Variants in IRAK1BP1 observed in about 807,000 individuals in gnomAD.
IRAK1BP1 encodes the protein interleukin 1 receptor associated kinase 1 binding protein 1, also known as interleukin-1 receptor-associated kinase 1-binding protein 1.
IRAK1BP1 carries 24 observed loss-of-function variants against 28.0 expected under a neutral mutation model. The observed-to-expected ratio is 0.86, with a 90% CI of 0.62 to 1.20. The LOEUF is 1.20. Ranked by LOEUF, IRAK1BP1 falls within the 50% of genes most tolerant of loss-of-function variation. IRAK1BP1 has a pLI of 0.00. For missense variants in IRAK1BP1, 336 were observed against 316.7 expected (o/e 1.06, Z -0.46); for synonymous variants, 131 against 116.3 (o/e 1.13, Z -0.81).
At chr6:78,874,651 C>A (rs1000598491) in intron 1 of IRAK1BP1, among the ~76,000 whole-genome samples, 1 of 152,042 alleles carries the variant, frequency 6.6e-6, no homozygotes, top group African/African-American at 2.4e-5. Flanking sequence ...GTCAGAAATT[C>A]CAGAGGGTGG....
At chr6:78,873,314 AT>A (rs1201996106) in intron 1 of IRAK1BP1, among the ~76,000 whole-genome samples, 1 of 151,194 alleles carries the variant, frequency 6.6e-6, no homozygotes, top group Non-Finnish European at 1.5e-5. Context: ...ATTGCAAAAA[AT>A]TTTCTCAGTT....
At chr6:78,942,812 T>C (rs1773572833) in intron 4 of IRAK1BP1, among the ~76,000 whole-genome samples, 1 of 152,196 alleles carries the variant, frequency 6.6e-6, no homozygotes, top group African/African-American at 2.4e-5. Flanking sequence ...TGGTCCCAAA[T>C]TTTGTATGGA....
chr6:78,931,712 AATG>A (rs1329373537), intron 4 of IRAK1BP1, among the ~76,000 whole-genome samples: 2 of 152,172 alleles, frequency 1.3e-5, no homozygotes, highest in Admixed American at 6.5e-5. Flanking sequence ...AGAAAATGCT[AATG>A]ATCATCTGAG....
In IRAK1BP1 at chr6:78,893,290, A is replaced by G. The variant is rs201723185; in HGVS notation, c.382-4539A>G. Among the ~76,000 whole-genome samples, 353 of 61,886 alleles carry G rather than the reference A, an allele frequency of 5.7e-3. 5 individuals are homozygous for G. The highest frequency in any genetic ancestry group is 0.046 in the South Asian group (58 of 1,258). 40.6% of individuals were successfully genotyped at this position (61,886 alleles called of 152,430 possible). A position where few individuals can be genotyped will look rare whatever the true frequency, so the allele number is the denominator to read the frequency against. On this transcript the variant is annotated intron_variant, in intron 2 of 3. Coordinates refer to ENST00000369940, the MANE Select transcript of IRAK1BP1 (RefSeq NM_001010844.4). ...AAAAGGTGTATATATATGTGTGTAT[A>G]TATGTGTGTGTGTGTGTGTGTGTGT... is the stretch of plus-strand genomic sequence containing the variant.
chr6:78,871,231 G>A (rs975172766), intron 1 of IRAK1BP1: 1 of 981,188 alleles, frequency 1.0e-6, no homozygotes, highest in Admixed American at 6.2e-5. Context: ...TCCAACTGTA[G>A]GCATAAAATG....
chr6:78,893,834 C>T (rs1771783965), intron 2 of IRAK1BP1, among the ~76,000 whole-genome samples: 2 of 151,842 alleles, frequency 1.3e-5, no homozygotes, highest in Admixed American at 1.3e-4. Flanking sequence ...ACTCAGGAGG[C>T]GGAGGTTGCA....
the IRAK1BP1 span, chr6:78,955,913 A>G: frequency 3.7e-6 from 1 of 273,696 alleles, no homozygotes; most frequent in East Asian, 6.0e-5. Flanking sequence ...CCCAAGTCTC[A>G]TCTCCCAGTC....
intron 4 of IRAK1BP1, among the ~76,000 whole-genome samples, chr6:78,915,647 C>G (rs994213390): frequency 6.6e-6 from 1 of 152,180 alleles, no homozygotes; most frequent in Admixed American, 6.5e-5. Context: ...CCAAACCTTC[C>G]TTAGACTACA....
chr6:78,968,075 C>A, the IRAK1BP1 span, among the ~76,000 whole-genome samples: 1 of 152,230 alleles, frequency 6.6e-6, no homozygotes, highest in South Asian at 2.1e-4. Flanking sequence ...GTGGAACTTG[C>A]AGTGAGCCAA....
chr6:78,898,411 A>AATATAT lies in IRAK1BP1; in HGVS notation c.*106_*111dup, dbSNP rs58937738. Reference sequence around the variant, plus strand: ...TTTTATAATGTTTACGTTTGTCCTGAATATATATATATATATATATATATA... The same window carrying AATATAT: ...TTTTATAATGTTTACGTTTGTCCTGAATATATATATATATATATATATATATATATA... On this transcript the variant is annotated 3_prime_UTR_variant, in exon 4 of 4. Transcript: ENST00000369940. 2,820 of 86,460 alleles carry AATATAT rather than the reference A, an allele frequency of 0.033. 239 individuals are homozygous for AATATAT. The highest frequency in any genetic ancestry group is 0.12 in the African/African-American group (1,785 of 15,426). 5.4% of individuals were successfully genotyped at this position (86,460 alleles called of 1,614,324 possible).
chr6:78,872,204 T>C, intron 1 of IRAK1BP1: 1 of 673,664 alleles, frequency 1.5e-6, no homozygotes. Context: ...CAGCGGTAAT[T>C]TGCTTGACAA....
chr6:78,976,716 G>A, the IRAK1BP1 span, among the ~76,000 whole-genome samples: 18 of 146,872 alleles, frequency 1.2e-4, no homozygotes, highest in African/African-American at 4.5e-4. Context: ...GTGGGCGAAG[G>A]ACATGAACAG....
chr6:78,908,089 T>C (rs186323914), downstream of IRAK1BP1, among the ~76,000 whole-genome samples: 96 of 149,740 alleles, frequency 6.4e-4, 1 homozygote, highest in South Asian at 8.1e-3. Context: ...CTCACTCTGT[T>C]GCTCAGGCTG....
downstream of IRAK1BP1, among the ~76,000 whole-genome samples, chr6:78,950,477 C>T (rs1204847126): frequency 3.9e-5 from 6 of 152,112 alleles, no homozygotes; most frequent in Admixed American, 1.3e-4. Context: ...CAGGACTAGA[C>T]ATTTGTTTTT....
downstream of IRAK1BP1, among the ~76,000 whole-genome samples, chr6:78,904,187 A>T (rs1323980949): frequency 6.6e-6 from 1 of 152,224 alleles, no homozygotes; most frequent in Non-Finnish European, 1.5e-5. Context: ...GCATGCTTTT[A>T]TTTCTCCAGA....
At chr6:78,920,015 G>C (rs914078273) in intron 4 of IRAK1BP1, among the ~76,000 whole-genome samples, 3 of 152,136 alleles carry the variant, frequency 2.0e-5, no homozygotes, top group African/African-American at 7.2e-5. Flanking sequence ...CAACACTTTG[G>C]GAGGCCAAGA....
downstream of IRAK1BP1, chr6:78,946,754 T>C: frequency 6.3e-7 from 1 of 1,590,560 alleles, no homozygotes; most frequent in East Asian, 2.3e-5. Flanking sequence ...CTGTTTCTTT[T>C]CTTCCTCCTT....
intron 4 of IRAK1BP1, among the ~76,000 whole-genome samples, chr6:78,922,215 A>T (rs934979893): frequency 6.6e-6 from 1 of 152,238 alleles, no homozygotes; most frequent in Admixed American, 6.5e-5. Context: ...TAACCAATGC[A>T]GAGAAGTCCT....
At chr6:78,954,414 A>AT in the IRAK1BP1 span, among the ~76,000 whole-genome samples, 5 of 151,908 alleles carry the variant, frequency 3.3e-5, no homozygotes, top group Admixed American at 2.0e-4. Flanking sequence ...CCTAAAAACT[A>AT]TTTTTATATA....
Sources: gnomAD v4.1 joint callset for allele counts (sites outside exome capture counted in the v4.1 genomes callset) on GRCh38, gnomAD v4.1.1 for gene constraint, MANE v1.5 for transcripts, NCBI Gene and HGNC (gene_info 2026-07-23, HGNC 2026-07-21) for gene names.